Variants in ERBB4 observed in about 807,000 individuals in gnomAD.
ERBB4 encodes the protein erb-b2 receptor tyrosine kinase 4.
A neutral mutation model predicts 158.0 loss-of-function variants in ERBB4; 42 were observed. The ratio of observed to expected loss-of-function variants is 0.27; its 90% CI spans 0.21 to 0.34. The LOEUF (loss-of-function observed/expected upper bound fraction) is 0.34, where lower values mean the gene tolerates loss of function less well. Ranked by LOEUF, ERBB4 falls within the 10% of genes least tolerant of loss-of-function variation. ERBB4 has a pLI of 1.00. For missense variants in ERBB4, 1,333 were observed against 1,624.1 expected, an observed-to-expected ratio of 0.82 and a Z score of 3.08; for synonymous variants, 583 against 558.7, an observed-to-expected ratio of 1.04 and a Z score of -0.61.
intron 1 of ERBB4, among the ~76,000 whole-genome samples, chr2:212,536,230 CAT>C (rs1231444439): frequency 6.6e-6 from 1 of 151,932 alleles, no homozygotes; most frequent in Non-Finnish European, 1.5e-5. Flanking sequence ...CAGCCTCACT[CAT>C]ACCCCAGACA....
intron 1 of ERBB4, among the ~76,000 whole-genome samples, chr2:212,221,097 G>A (rs1178550025): frequency 6.6e-6 from 1 of 151,352 alleles, no homozygotes; most frequent in Non-Finnish European, 1.5e-5. Flanking sequence ...CTGAACCATG[G>A]ATCATGAAAC....
chr2:212,423,385 G>C (rs978650981), intron 1 of ERBB4, among the ~76,000 whole-genome samples: 8 of 152,180 alleles, frequency 5.3e-5, no homozygotes, highest in Non-Finnish European at 1.2e-4. Context: ...TGTCACCTTT[G>C]AGCTGAAAGA....
At chr2:212,441,260 C>G (rs1442613278) in intron 1 of ERBB4, among the ~76,000 whole-genome samples, 1 of 152,212 alleles carries the variant, frequency 6.6e-6, no homozygotes, top group African/African-American at 2.4e-5. Flanking sequence ...CCAACCCATG[C>G]TGTCATCAGC....
intron 5 of ERBB4, among the ~76,000 whole-genome samples, chr2:211,731,849 A>G (rs1262731255): frequency 6.6e-6 from 1 of 152,194 alleles, no homozygotes; most frequent in East Asian, 1.9e-4. Context: ...ATGCCAAACT[A>G]TACACTGTTA....
Position 211,623,581 on chromosome 2 carries a change from T to A in ERBB4, c.2202+341A>T, listed in dbSNP as rs1011095181. On this transcript the variant is annotated intron_variant, in intron 18 of 27. Transcript: ENST00000342788. ...CATGTCTGGGGTTCATGGAGCACTG[T>A]GTAGGGGTAATGGCAAATGGGTTGG... Among the ~76,000 whole-genome samples, 8 of 152,202 alleles carry A rather than the reference T, an allele frequency of 5.3e-5. No individual in the cohort carries two copies. In the East Asian group the frequency reaches 1.5e-3, roughly 29 times the overall value.
At chr2:212,152,871 C>G (rs2080915477) in intron 1 of ERBB4, among the ~76,000 whole-genome samples, 1 of 152,152 alleles carries the variant, frequency 6.6e-6, no homozygotes, top group South Asian at 2.1e-4. Context: ...ATCTGGTCAA[C>G]AGAATGTACA....
At chr2:211,483,794 C>A (rs978543712) in intron 20 of ERBB4, among the ~76,000 whole-genome samples, 1 of 152,052 alleles carries the variant, frequency 6.6e-6, no homozygotes. Context: ...TCAAGTGATC[C>A]TTCCCCTCAG....
intron 4 of ERBB4, among the ~76,000 whole-genome samples, chr2:211,775,645 T>C (rs1470297929): frequency 6.6e-6 from 1 of 152,174 alleles, no homozygotes. Context: ...ATCTCCTCTA[T>C]AGATGTGTAG....
rs576621179 is a variant in ERBB4, at chr2:212,005,158, A to G, written c.235-57542T>C. Among the ~76,000 whole-genome samples the G allele has an allele frequency of 1.1e-4, 17 of 152,304 alleles. No homozygotes were observed. The South Asian group carries it at 3.5e-3, about 32-fold the overall frequency. On this transcript the variant is annotated intron_variant, in intron 2 of 27. Transcript: ENST00000342788. ...ATAGGTGTTTGAGTTCAATATGTGT[A>G]TATTTTTAAAAAGATTTACGAAGCA...
intron 1 of ERBB4, among the ~76,000 whole-genome samples, chr2:212,141,807 G>A (rs1376331346): frequency 6.6e-6 from 1 of 152,026 alleles, no homozygotes; most frequent in Admixed American, 6.6e-5. Flanking sequence ...CTTTCCATCT[G>A]ATGTCCCTGC....
intron 2 of ERBB4, among the ~76,000 whole-genome samples, chr2:212,121,359 C>A (rs1023045859): frequency 1.3e-5 from 2 of 152,088 alleles, no homozygotes; most frequent in African/African-American, 4.8e-5. Context: ...AGTACAGATG[C>A]CTGCAACCAC....
intron 19 of ERBB4, among the ~76,000 whole-genome samples, chr2:211,576,994 G>C (rs1363111440): frequency 6.6e-6 from 1 of 152,078 alleles, no homozygotes; most frequent in African/African-American, 2.4e-5. Context: ...CTAGTTGTGT[G>C]ACATAAAGCA....
intron 2 of ERBB4, among the ~76,000 whole-genome samples, chr2:212,021,684 G>A (rs779317057): frequency 5.9e-5 from 9 of 151,880 alleles, no homozygotes; most frequent in East Asian, 1.9e-4. Flanking sequence ...TCATGAAATC[G>A]CCAAAAGCAA....
intron 1 of ERBB4, among the ~76,000 whole-genome samples, chr2:212,494,040 AAAG>A (rs1379780952): frequency 1.3e-5 from 2 of 151,852 alleles, no homozygotes; most frequent in African/African-American, 2.4e-5. Context: ...TTTGCATCAC[AAAG>A]AATAGTGGCC....
chr2:212,211,491 G>C (rs533764886), intron 1 of ERBB4, among the ~76,000 whole-genome samples: 2 of 151,964 alleles, frequency 1.3e-5, no homozygotes, highest in African/African-American at 4.8e-5. Context: ...TAGACATGTA[G>C]TCTACACTTT....
intron 1 of ERBB4, among the ~76,000 whole-genome samples, chr2:212,163,079 G>A (rs2081248981): frequency 6.6e-6 from 1 of 151,830 alleles, no homozygotes; most frequent in Non-Finnish European, 1.5e-5. Context: ...CTCAGAATAA[G>A]AGAATCTCTT....
intron 5 of ERBB4, among the ~76,000 whole-genome samples, chr2:211,748,071 ATTGT>A (rs767675794): frequency 3.4e-4 from 51 of 151,728 alleles, no homozygotes; most frequent in South Asian, 1.7e-3. Flanking sequence ...ATTATTTTTA[ATTGT>A]TTATTATTTT....
At chr2:212,523,394 C>G (rs1175931670) in intron 1 of ERBB4, among the ~76,000 whole-genome samples, 1 of 151,920 alleles carries the variant, frequency 6.6e-6, no homozygotes, top group Non-Finnish European at 1.5e-5. Context: ...TAAATACCTG[C>G]TGGCATAAAC....
chr2:212,461,733 T>C lies in ERBB4; in HGVS notation c.82+76716A>G, dbSNP rs1030252779. Among the ~76,000 whole-genome samples, 16 of 152,164 alleles carry C rather than the reference T, an allele frequency of 1.1e-4. 1 individual carries two copies. Among genetic ancestry groups the C allele is most frequent in the African/African-American group, 3.6e-4 (15 of 41,444 alleles). ...AGGGCAGAACGATATAGTTTGGCTC[T>C]GTGTCCCCACCCAAATCTCATCTTG... On this transcript the variant is annotated intron_variant, in intron 1 of 27. Transcript: ENST00000342788.
Sources: allele counts gnomAD v4.1 joint callset (sites outside exome capture counted in the v4.1 genomes callset), GRCh38; gene constraint gnomAD v4.1.1; transcripts MANE v1.5; gene names NCBI Gene and HGNC (gene_info 2026-07-23, HGNC 2026-07-21).